BTBD8: variants seen among roughly 807,000 people sequenced by gnomAD.
The protein encoded by BTBD8 is BTB domain containing 8.
In BTBD8, 110 loss-of-function variants were observed where a neutral mutation model predicts 162.9. The ratio of observed to expected loss-of-function variants is 0.68; its 90% confidence interval spans 0.58 to 0.79. The LOEUF is 0.79. Ranked by LOEUF, BTBD8 falls within the 30% of genes least tolerant of loss-of-function variation. The pLI, the probability that BTBD8 is intolerant of heterozygous loss-of-function variation, is 0.00. For synonymous variants in BTBD8, 667 were observed against 716.1 expected (o/e 0.93, Z 1.10); for missense variants, 1,905 against 2,085.4 (o/e 0.91, Z 1.68).
chr1:92,148,519 G>C (rs768722348), intron 9 of BTBD8, among the ~76,000 whole-genome samples: 1 of 152,154 alleles, frequency 6.6e-6, no homozygotes, highest in African/African-American at 2.4e-5. Flanking sequence ...TGCCCTGTGG[G>C]GCTGGGGGCA....
At chr1:92,178,511 C>T (rs1650789741) in intron 16 of BTBD8, 60 bp downstream of exon 16, 4 of 1,379,352 alleles carry the variant, frequency 2.9e-6, no homozygotes, top group Non-Finnish European at 3.9e-6. Flanking sequence ...CTGGATAAGC[C>T]AAACTCTGAT....
intron 9 of BTBD8, among the ~76,000 whole-genome samples, chr1:92,165,089 C>A (rs1040430999): frequency 6.6e-6 from 1 of 150,814 alleles, no homozygotes; most frequent in South Asian, 2.1e-4. Context: ...CCACTACATT[C>A]CAGCCTGGGT....
At chr1:92,115,734 G>C (rs547238504) in intron 4 of BTBD8, 1 of 255,164 alleles carries the variant, frequency 3.9e-6, no homozygotes, top group Non-Finnish European at 7.8e-6. Context: ...CTTTGCTAGA[G>C]TTAAAAGCAG....
intron 4 of BTBD8, among the ~76,000 whole-genome samples, chr1:92,109,683 C>G (rs1474428101): frequency 1.3e-5 from 2 of 152,178 alleles, no homozygotes; most frequent in African/African-American, 4.8e-5. Flanking sequence ...AGTCCAGACT[C>G]AAACATCTTT....
chr1:92,146,375 C>T (rs1245985421), intron 7 of BTBD8, among the ~76,000 whole-genome samples: 1 of 152,162 alleles, frequency 6.6e-6, no homozygotes, highest in African/African-American at 2.4e-5. Context: ...CACTTTCTTC[C>T]ACACATGCAT....
At chr1:92,161,390 A>G (rs1650270030) in intron 9 of BTBD8, among the ~76,000 whole-genome samples, 1 of 152,244 alleles carries the variant, frequency 6.6e-6, no homozygotes, top group Non-Finnish European at 1.5e-5. Flanking sequence ...ATTAGAGTAT[A>G]ACATGGAGAA....
At chr1:92,134,539 T>G (rs1035606766) in intron 5 of BTBD8, among the ~76,000 whole-genome samples, 4 of 152,142 alleles carry the variant, frequency 2.6e-5, no homozygotes, top group Admixed American at 2.6e-4. Flanking sequence ...ATGCATGAAA[T>G]CTCAGATCAA....
chr1:92,179,474 G>A lies in BTBD8; in HGVS notation c.2582-791G>A, dbSNP rs143517384. 6.4e-3 allele frequency among the ~76,000 whole-genome samples: 973 copies of A among 152,164 alleles called. 10 individuals carry two copies. Among genetic ancestry groups the A allele is most frequent in the African/African-American group, 0.022 (931 of 41,502 alleles). ...CATATGTAAAAGCAGTTCTTAAAATGCTAAAAACAGTTTTGATTTAGATTA... is the reference window on the plus strand; with the variant it reads ...CATATGTAAAAGCAGTTCTTAAAATACTAAAAACAGTTTTGATTTAGATTA... On this transcript the variant is annotated intron_variant, in intron 16 of 17. Coordinates refer to ENST00000636805, the MANE Select transcript of BTBD8 (RefSeq NM_001376131.1).
chr1:92,084,519 G>C (rs772496107), intron 1 of BTBD8, among the ~76,000 whole-genome samples: 20 of 152,190 alleles, frequency 1.3e-4, no homozygotes, highest in Non-Finnish European at 2.5e-4. Context: ...AAGGTTGCCA[G>C]GTGGAGGACA....
At position 92,080,742 on chromosome 1, in the gene BTBD8, G is replaced by A. The variant is rs377187455; in HGVS notation, c.149+22G>A. 5.6e-5 allele frequency: 90 copies of A among 1,598,488 alleles called. No homozygotes were observed. In the African/African-American group the frequency reaches 1.1e-3, roughly 19 times the overall value. On this transcript the variant is annotated intron_variant, in intron 1 of 17. Transcript: ENST00000636805. The stretch of plus-strand genomic sequence containing the variant: ...TCAGGTAGGAGGAGGCGGGAACTCT[G>A]GCTGCTTCAGTTCCTAAATCGCCCA...
At chr1:92,143,505 A>G (rs1649825596) in intron 7 of BTBD8, among the ~76,000 whole-genome samples, 1 of 151,942 alleles carries the variant, frequency 6.6e-6, no homozygotes, top group Non-Finnish European at 1.5e-5. Context: ...TTATTTATTT[A>G]CGTATGTATT....
chr1:92,175,181 A>T (rs1650672911), intron 13 of BTBD8, among the ~76,000 whole-genome samples: 2 of 152,022 alleles, frequency 1.3e-5, no homozygotes, highest in Non-Finnish European at 2.9e-5. Context: ...TTGCATACTT[A>T]CATAAAGAAT....
At chr1:92,160,717 T>C (rs939150210) in intron 9 of BTBD8, among the ~76,000 whole-genome samples, 3 of 152,058 alleles carry the variant, frequency 2.0e-5, no homozygotes, top group African/African-American at 7.2e-5. Flanking sequence ...TTCCAGCTCT[T>C]CACTCTCTAC....
In BTBD8 at chr1:92,088,914, C is replaced by T; in HGVS notation, c.347+19C>T. On this transcript the variant is annotated intron_variant, in intron 2 of 17. Coordinates refer to ENST00000636805, the MANE Select transcript of BTBD8 (RefSeq NM_001376131.1). ...TTTTACAGTAAGTGCTTTCTTTATC[C>T]ATGTAAGTCTAATATGTAATTGCTT... 1 of 1,563,892 alleles carries T rather than the reference C, an allele frequency of 6.4e-7. No individual in the cohort carries two copies. The highest frequency in any genetic ancestry group is 8.7e-7 in the Non-Finnish European group (1 of 1,147,240).
Position 92,184,414 on chromosome 1 carries a change from A to C in BTBD8, c.*84A>C. 1 of 831,954 alleles carries C rather than the reference A, an allele frequency of 1.2e-6. No individual in the cohort carries two copies. The highest frequency in any genetic ancestry group is 1.8e-6 in the Non-Finnish European group (1 of 546,460). The allele number at this position is 831,954 out of a possible 1,614,324, so 51.5% of individuals were successfully genotyped here. ...TCCAAATGATAATTGCATTAGCCGG[A>C]TATAAACTTTCTTTAATATTGAGTC... On this transcript the variant is annotated 3_prime_UTR_variant, in exon 18 of 18. Transcript: ENST00000636805.
chr1:92,145,206 C>T (rs1226000140), intron 7 of BTBD8, among the ~76,000 whole-genome samples: 3 of 152,284 alleles, frequency 2.0e-5, no homozygotes, highest in East Asian at 1.9e-4. Flanking sequence ...TCATGTAATC[C>T]ACCTTGCCTC....
rs534294519 is a variant in BTBD8, at chr1:92,180,721, A to C, written c.3038A>C (p.Gln1013Pro). ...CAGTCATCCTGCAGGCCTGACCCAC[A>C]AAAGCCATTAAACGATCAAGAAAAA... ...ALQSSCRPDPQKPLNDQEKEK... is the reference protein window; with the variant it reads ...ALQSSCRPDPPKPLNDQEKEK... Residue 1013 changes from glutamine (Q) to proline (P), a missense_variant, in exon 17 of 18, where the codon CAA (glutamine) becomes CCA (proline). Gln to Pro is a moderately conservative substitution (Grantham distance 76). Around this residue, in one of 3 missense-constraint regions of BTBD8, gnomAD observed 1,374 missense variants for 1,442.7 expected, o/e 0.95. Transcript: ENST00000636805. 3 of 1,551,748 alleles carry C rather than the reference A, an allele frequency of 1.9e-6. No homozygotes were observed. The Admixed American group carries it at 5.9e-5, about 30-fold the overall frequency.
chr1:92,126,804 AT>A (rs145758631), intron 4 of BTBD8, among the ~76,000 whole-genome samples: 1 of 151,632 alleles, frequency 6.6e-6, no homozygotes, highest in East Asian at 1.9e-4. Context: ...ACAGTGTAAG[AT>A]TTTTTTTTAA....
At chr1:92,149,754 T>C (rs77052136) in intron 9 of BTBD8, among the ~76,000 whole-genome samples, 1,653 of 152,278 alleles carry the variant, frequency 0.011, 13 homozygotes, top group Middle Eastern at 0.027. Flanking sequence ...TGTTCTTCCT[T>C]GCCCTGTATC....
Sources: gnomAD v4.1 joint callset for allele counts (sites outside exome capture counted in the v4.1 genomes callset) on GRCh38, gnomAD v4.1.1 for gene constraint, gnomAD v4.1.1 regional missense constraint, MANE v1.5 for transcripts, NCBI Gene and HGNC (gene_info 2026-07-23, HGNC 2026-07-21) for gene names.